WDR75: variants seen among roughly 807,000 people sequenced by gnomAD.
The protein encoded by WDR75 is WD repeat domain 75.
WDR75 carries 52 observed loss-of-function variants against 106.1 expected under a neutral mutation model. The observed-to-expected ratio is 0.49, with a 90% CI of 0.39 to 0.62. WDR75 has a LOEUF of 0.62. WDR75 is among the 20% of genes least tolerant of loss of function. WDR75 has a pLI of 0.00. For synonymous variants in WDR75, 333 were observed against 335.5 expected (o/e 0.99, Z 0.08); for missense variants, 905 against 970.3 (o/e 0.93, Z 0.89).
chr2:189,445,361 C>G lies in WDR75; in HGVS notation c.87-3018C>G, dbSNP rs1686475065. Among the ~76,000 whole-genome samples, 4 of 152,192 alleles carry G rather than the reference C, an allele frequency of 2.6e-5. No homozygotes were observed. In the South Asian group the frequency reaches 8.3e-4, roughly 31 times the overall value. On this transcript the variant is annotated intron_variant, in intron 1 of 20. Coordinates refer to ENST00000314761, the MANE Select transcript of WDR75 (RefSeq NM_032168.3). Reference sequence around the variant, plus strand: ...GTAGAGGAGAAACATAGTACACAGACAGTCTTAATGCCTTGTGGTAAGTTC... The same window carrying G: ...GTAGAGGAGAAACATAGTACACAGAGAGTCTTAATGCCTTGTGGTAAGTTC...
Position 189,442,442 on chromosome 2 carries a change from C to CTTTTTTTTTTTTT in WDR75, c.86+878_86+890dup, listed in dbSNP as rs1188214718. ...GAAAGTTTGTAGCCTCCACAATATT[C>CTTTTTTTTTTTTT]TTTTTTTTTTTTTTTTTTTTTTTTT... On this transcript the variant is annotated intron_variant, in intron 1 of 20. Transcript: ENST00000314761. Among the ~76,000 whole-genome samples the CTTTTTTTTTTTTT allele has an allele frequency of 3.0e-4, 22 of 73,898 alleles. 3 individuals carry two copies. The highest frequency in any genetic ancestry group is 6.6e-4 in the African/African-American group (12 of 18,100). 48.5% of individuals were successfully genotyped at this position (73,898 alleles called of 152,430 possible).
intron 4 of WDR75, among the ~76,000 whole-genome samples, chr2:189,452,791 G>T (rs2105556357): frequency 6.6e-6 from 1 of 152,250 alleles, no homozygotes. Context: ...CCCACATTCA[G>T]GAATGCCACT....
chr2:189,465,377 G>T, intron 12 of WDR75, 123 bp downstream of exon 12: 1 of 1,049,932 alleles, frequency 9.5e-7, no homozygotes, highest in South Asian at 2.3e-5. Flanking sequence ...ATATGGGAGA[G>T]GTTTTATTCT....
intron 14 of WDR75, 31 bp downstream of exon 14, chr2:189,467,679 T>C (rs771705930): frequency 6.6e-7 from 1 of 1,524,620 alleles, no homozygotes; most frequent in African/African-American, 1.4e-5. Flanking sequence ...TATGTAGTAC[T>C]ATTTTTTAAC....
chr2:189,457,992 C>T lies in WDR75; in HGVS notation c.569+611C>T, dbSNP rs192862619. ...CCAGGCTGGTGCAATGGTGTGTTCT[C>T]GGCTCACTGTAACCTCCGCCTCCCG... On this transcript the variant is annotated intron_variant, in intron 6 of 20. Coordinates refer to ENST00000314761, the MANE Select transcript of WDR75 (RefSeq NM_032168.3). 9.0e-5 allele frequency among the ~76,000 whole-genome samples: 12 copies of T among 133,078 alleles called. No homozygotes were observed. In the East Asian group the frequency reaches 1.8e-3, roughly 20 times the overall value. The allele number at this position is 133,078 out of a possible 152,430, so 87.3% of individuals were successfully genotyped here.
chr2:189,458,909 G>A, intron 7 of WDR75, 37 bp downstream of exon 7: 1 of 1,577,194 alleles, frequency 6.3e-7, no homozygotes, highest in Non-Finnish European at 8.6e-7. Flanking sequence ...GATCATTTAT[G>A]TACTATTTTA....
At chr2:189,446,440 G>A (rs1312570815) in intron 1 of WDR75, among the ~76,000 whole-genome samples, 2 of 152,182 alleles carry the variant, frequency 1.3e-5, no homozygotes, top group Non-Finnish European at 2.9e-5. Flanking sequence ...CAAAGGGCAG[G>A]TTATATATCG....
intron 4 of WDR75, among the ~76,000 whole-genome samples, chr2:189,454,829 G>A (rs760589672): frequency 3.3e-4 from 50 of 152,072 alleles, no homozygotes; most frequent in Admixed American, 2.8e-3. Context: ...CATGAGTTAT[G>A]GAATTAGACT....
chr2:189,469,401 A>G lies in WDR75; in HGVS notation c.1781A>G (p.Asn594Ser), dbSNP rs1311495769. Residue 594 changes from asparagine to serine, a missense_variant, in exon 16 of 21, where the codon AAT becomes AGT. By Grantham distance (46) the Asn-to-Ser change is conservative. Transcript: ENST00000314761. ...RVMEPDPNSE[N>S]IAAISQSSVG... ...ATGGAACCCGATCCTAATTCAGAGAATATTGCTGCAATCTCTCAGTCTTCA... is the reference window on the plus strand; with the variant it reads ...ATGGAACCCGATCCTAATTCAGAGAGTATTGCTGCAATCTCTCAGTCTTCA... 6.2e-7 allele frequency: 1 copy of G among 1,613,488 alleles called. No individual in the cohort carries two copies. The highest frequency in any genetic ancestry group is 1.3e-5 in the African/African-American group (1 of 74,876).
chr2:189,450,895 C>G lies in WDR75; in HGVS notation c.217-8C>G. 1 of 1,602,572 alleles carries G rather than the reference C, an allele frequency of 6.2e-7. No homozygotes were observed. Among genetic ancestry groups the G allele is most frequent in the Middle Eastern group, 1.7e-4 (1 of 6,022 alleles). ...TTAAATCAATTTTGTATTGTTTTAC[C>G]CTTTTAGCTGTATTCTTGTTCCCTT... On this transcript the variant is annotated splice_polypyrimidine_tract_variant and splice_region_variant and intron_variant, in intron 2 of 20. Transcript: ENST00000314761.
At chr2:189,462,705 G>A (rs1686921249) in intron 9 of WDR75, 63 bp downstream of exon 9, 36 of 1,509,392 alleles carry the variant, frequency 2.4e-5, no homozygotes, top group Non-Finnish European at 3.2e-5. Flanking sequence ...AGCATCTGTA[G>A]GGAACAGAGA....
intron 5 of WDR75, among the ~76,000 whole-genome samples, chr2:189,456,932 G>A (rs1436967987): frequency 6.6e-6 from 1 of 151,994 alleles, no homozygotes; most frequent in Non-Finnish European, 1.5e-5. Context: ...AACTTTTGTG[G>A]GGGAGTGTTT....
rs1482607357 is a variant in WDR75, at chr2:189,465,099, A to G, written c.1134A>G (p.Glu378=). 2.5e-6 allele frequency: 4 copies of G among 1,600,362 alleles called. No homozygotes were observed. The Admixed American group carries it at 5.2e-5, about 21-fold the overall frequency. The change falls in exon 12 of 21, where the codon GAA becomes GAG. Residue 378 remains glutamate (E), a synonymous_variant. Coordinates refer to ENST00000314761, the MANE Select transcript of WDR75 (RefSeq NM_032168.3). ...ATCAGTTAGATATTATACAGCAAGAATATATTAATGATTATGGTCTGATCC... is the reference window on the plus strand; with the variant it reads ...ATCAGTTAGATATTATACAGCAAGAGTATATTAATGATTATGGTCTGATCC... ...QLYNLDIIQQ[E]YINDYGLIQI... is the part of the protein sequence containing the mutation.
chr2:189,455,378 C>G lies in WDR75; in HGVS notation c.432C>G (p.Ala144=), dbSNP rs751162375. ...AATCCTCAAGCCAGGAAGTAGAAGC[C>G]AAGGAGCTGTCCTTTGTTTTGGATT... is the stretch of plus-strand genomic sequence containing the variant. ...LPKSSSQEVE[A]KELSFVLDYI... is the part of the protein sequence containing the mutation. Residue 144 remains alanine (A), a synonymous_variant, in exon 5 of 21, where the codon GCC becomes GCG. Transcript: ENST00000314761. 6.2e-6 allele frequency: 10 copies of G among 1,614,124 alleles called. No homozygotes were observed. Among genetic ancestry groups the G allele is most frequent in the Non-Finnish European group, 8.5e-6 (10 of 1,179,984 alleles).
At chr2:189,464,088 C>T in intron 11 of WDR75, 127 bp downstream of exon 11, 1 of 792,280 alleles carries the variant, frequency 1.3e-6, no homozygotes, top group Non-Finnish European at 2.0e-6. Flanking sequence ...ATAGTATTAT[C>T]CGTGGTTACT....
rs1199307152 is a variant in WDR75 at position 189,455,446 on chromosome 2, T to G, written c.498+2T>G. ...AAGTGCATTGCCTTTGGAAACGAGGTAAATTTTGTTTTGTTCGTTTTCTGT... is the reference window on the plus strand; with the variant it reads ...AAGTGCATTGCCTTTGGAAACGAGGGAAATTTTGTTTTGTTCGTTTTCTGT... On this transcript the variant is annotated splice_donor_variant, in intron 5 of 20. Transcript: ENST00000314761. LOFTEE classifies it high-confidence loss of function. 6.2e-7 allele frequency: 1 copy of G among 1,603,762 alleles called. No homozygotes were observed. Among genetic ancestry groups the G allele is most frequent in the Non-Finnish European group, 8.5e-7 (1 of 1,176,398 alleles).
rs13428976 is a variant in WDR75, at chr2:189,464,901, A to G, written c.1114-178A>G. Among the ~76,000 whole-genome samples, 9,871 of 152,116 alleles carry G rather than the reference A, an allele frequency of 0.065. 498 individuals are homozygous for G. The highest frequency in any genetic ancestry group is 0.14 in the African/African-American group (5,685 of 41,490). On this transcript the variant is annotated intron_variant, in intron 11 of 20. Transcript: ENST00000314761. ...CTATTATAATGTGTTCCCTTTTTTAATGGCAATTTTGGTGTCCATAGTAAC... is the reference window on the plus strand; with the variant it reads ...CTATTATAATGTGTTCCCTTTTTTAGTGGCAATTTTGGTGTCCATAGTAAC...
At chr2:189,449,325 C>T in intron 2 of WDR75, 1 of 1,300,624 alleles carries the variant, frequency 7.7e-7, no homozygotes, top group Non-Finnish European at 1.0e-6. Context: ...TAAAGTAGCA[C>T]CGATCTTTTC....
Position 189,463,914 on chromosome 2 carries a change from G to T in WDR75, c.1066G>T (p.Gly356Cys), listed in dbSNP as rs986118402. 2.5e-6 allele frequency: 4 copies of T among 1,613,854 alleles called. No individual in the cohort carries two copies. Among genetic ancestry groups the T allele is most frequent in the Non-Finnish European group, 3.4e-6 (4 of 1,179,824 alleles). Residue 356 changes from glycine (G) to cysteine (C), a missense_variant, in exon 11 of 21, where the codon GGC becomes TGC. Gly to Cys is a radical substitution (Grantham distance 159). Transcript: ENST00000314761. ...AGCTTTGGTTTTGAATGGAAAACCTGGCCACCTGCAGTTTTATTCTCTCCA... is the reference window on the plus strand; with the variant it reads ...AGCTTTGGTTTTGAATGGAAAACCTTGCCACCTGCAGTTTTATTCTCTCCA... ...TKALVLNGKP[G>C]HLQFYSLQSD... is the part of the protein sequence containing the mutation.
Sources: gnomAD v4.1 joint callset for allele counts (sites outside exome capture counted in the v4.1 genomes callset) on GRCh38, gnomAD v4.1.1 for gene constraint, MANE v1.5 for transcripts, NCBI Gene and HGNC (gene_info 2026-07-23, HGNC 2026-07-21) for gene names.